Variants in MACROD2 observed in about 807,000 individuals in gnomAD.
MACROD2 encodes ADP-ribose glycohydrolase MACROD2.
In MACROD2, 36 loss-of-function variants were observed where a neutral mutation model predicts 70.4. The ratio of observed to expected loss-of-function variants is 0.51; its 90% CI spans 0.39 to 0.68. MACROD2 has a LOEUF of 0.68. Ranked by LOEUF, MACROD2 falls within the 30% of genes least tolerant of loss-of-function variation. MACROD2 has a pLI of 0.00. For missense variants in MACROD2, 496 were observed against 538.4 expected (o/e 0.92, Z 0.78); for synonymous variants, 172 against 178.8 (o/e 0.96, Z 0.30).
At chr20:15,538,014 GT>G (rs1345763953) in intron 8 of MACROD2, among the ~76,000 whole-genome samples, 2 of 152,180 alleles carry the variant, frequency 1.3e-5, no homozygotes, top group Non-Finnish European at 2.9e-5. Flanking sequence ...GCCATCAAAT[GT>G]TTTGAGCAGG....
At chr20:15,664,971 C>T (rs139717119) in intron 8 of MACROD2, among the ~76,000 whole-genome samples, 5 of 152,028 alleles carry the variant, frequency 3.3e-5, no homozygotes, top group East Asian at 1.9e-4. Flanking sequence ...ATAGGGCATC[C>T]GTGGATGATT....
At chr20:14,681,162 A>AT (rs2070927590) in intron 4 of MACROD2, among the ~76,000 whole-genome samples, 3 of 152,160 alleles carry the variant, frequency 2.0e-5, no homozygotes, top group Admixed American at 2.0e-4. Flanking sequence ...ACTCTCTTAC[A>AT]TTGCTGGGGT....
intron 6 of MACROD2, among the ~76,000 whole-genome samples, chr20:15,314,784 G>C (rs546718792): frequency 9.2e-5 from 14 of 152,260 alleles, no homozygotes; most frequent in African/African-American, 3.4e-4. Context: ...AATCCTGGGA[G>C]GAAAAACTGG....
At chr20:15,302,166 G>A (rs78621834) in intron 6 of MACROD2, among the ~76,000 whole-genome samples, 19 of 152,168 alleles carry the variant, frequency 1.2e-4, no homozygotes, top group Non-Finnish European at 1.8e-4. Context: ...AACATGTGGC[G>A]TCCTCATTGC....
At chr20:14,556,289 T>C (rs1979024689) in intron 4 of MACROD2, among the ~76,000 whole-genome samples, 1 of 152,036 alleles carries the variant, frequency 6.6e-6, no homozygotes, top group Non-Finnish European at 1.5e-5. Context: ...GATACAGTGC[T>C]ACGAAGATGG....
At chr20:14,447,869 T>A (rs1241273908) in intron 3 of MACROD2, among the ~76,000 whole-genome samples, 1 of 151,572 alleles carries the variant, frequency 6.6e-6, no homozygotes, top group African/African-American at 2.4e-5. Context: ...ATGGGAAAAC[T>A]AGAGGCTGAG....
intron 2 of MACROD2, among the ~76,000 whole-genome samples, chr20:14,026,971 A>C (rs1345283770): frequency 6.6e-6 from 1 of 152,210 alleles, no homozygotes; most frequent in Non-Finnish European, 1.5e-5. Context: ...CTGCCTCCTC[A>C]AGTGGGTCCC....
chr20:15,771,616 T>C (rs887742387), intron 8 of MACROD2, among the ~76,000 whole-genome samples: 7 of 152,076 alleles, frequency 4.6e-5, no homozygotes, highest in African/African-American at 1.7e-4. Flanking sequence ...CATGTATGCA[T>C]ATGTATGTAT....
chr20:15,018,249 C>T (rs1026276318), intron 5 of MACROD2, among the ~76,000 whole-genome samples: 10 of 152,160 alleles, frequency 6.6e-5, no homozygotes, highest in Admixed American at 6.5e-4. Flanking sequence ...TTCCACAAAC[C>T]TTTAGGGTAG....
intron 2 of MACROD2, among the ~76,000 whole-genome samples, chr20:14,043,781 G>A (rs1310526707): frequency 6.6e-6 from 1 of 152,084 alleles, no homozygotes; most frequent in Non-Finnish European, 1.5e-5. Flanking sequence ...TCCTGCCTTG[G>A]GGAGAAAAAG....
At chr20:15,610,991 C>CTTTTTTTTTTTTTTTT (rs34495725) in intron 8 of MACROD2, among the ~76,000 whole-genome samples, 4 of 60,088 alleles carry the variant, frequency 6.7e-5, no homozygotes, top group Non-Finnish European at 6.2e-5. Flanking sequence ...AGCCAAAAAT[C>CTTTTTTTTTTTTTTTT]TTTTTTTTTT....
chr20:14,224,127 T>A (rs202024902), intron 3 of MACROD2, among the ~76,000 whole-genome samples: 1 of 152,108 alleles, frequency 6.6e-6, no homozygotes, highest in Non-Finnish European at 1.5e-5. Flanking sequence ...CAATCACATC[T>A]AAAAAACACT....
chr20:15,166,196 G>A (rs1180238883), intron 5 of MACROD2, among the ~76,000 whole-genome samples: 1 of 152,092 alleles, frequency 6.6e-6, no homozygotes, highest in African/African-American at 2.4e-5. Context: ...AAAAATCACT[G>A]GATTTTACTA....
intron 3 of MACROD2, among the ~76,000 whole-genome samples, chr20:14,175,739 G>T (rs1298231297): frequency 6.6e-6 from 1 of 152,110 alleles, no homozygotes; most frequent in Non-Finnish European, 1.5e-5. Flanking sequence ...AATATCTGCT[G>T]GGAAACCGAT....
intron 6 of MACROD2, among the ~76,000 whole-genome samples, chr20:15,406,431 A>G (rs1180156384): frequency 6.6e-6 from 1 of 152,206 alleles, no homozygotes; most frequent in Non-Finnish European, 1.5e-5. Flanking sequence ...TTAATATGAG[A>G]ATCTTTAATA....
At chr20:15,611,769 AT>A (rs2048973382) in intron 8 of MACROD2, among the ~76,000 whole-genome samples, 1 of 150,466 alleles carries the variant, frequency 6.6e-6, no homozygotes. Flanking sequence ...TTATTTATGC[AT>A]CTGTTGTAGG....
intron 8 of MACROD2, among the ~76,000 whole-genome samples, chr20:15,570,806 T>C (rs1962364707): frequency 6.6e-6 from 1 of 152,114 alleles, no homozygotes; most frequent in Non-Finnish European, 1.5e-5. Flanking sequence ...CCTGAAGCAA[T>C]GGCTATGGCT....
intron 8 of MACROD2, among the ~76,000 whole-genome samples, chr20:15,825,203 T>G (rs528817882): frequency 1.3e-5 from 2 of 152,348 alleles, no homozygotes; most frequent in East Asian, 3.9e-4. Context: ...CCTTTTCTCT[T>G]AAATCTGGGC....
At chr20:15,017,450 G>A (rs2075130397) in intron 5 of MACROD2, among the ~76,000 whole-genome samples, 1 of 152,172 alleles carries the variant, frequency 6.6e-6, no homozygotes, top group African/African-American at 2.4e-5. Context: ...GGCATTGAGT[G>A]TCTGTGGCTT....
Sources: gnomAD v4.1 joint callset for allele counts (sites outside exome capture counted in the v4.1 genomes callset) on GRCh38, gnomAD v4.1.1 for gene constraint, MANE v1.5 for transcripts, NCBI Gene and HGNC (gene_info 2026-07-23, HGNC 2026-07-21) for gene names.